The following DOCK3 variants were observed in gnomAD, a reference collection of about 807,000 sequenced individuals.
DOCK3 encodes the protein dedicator of cytokinesis 3.
A neutral mutation model predicts 265.6 loss-of-function variants in DOCK3; 60 were observed. That is an observed-to-expected ratio of 0.23 (90% CI 0.18 to 0.28). The LOEUF (loss-of-function observed/expected upper bound fraction) is 0.28, where lower values mean the gene tolerates loss of function less well. Among genes scored for constraint, DOCK3 ranks in the 10% least tolerant of loss-of-function variants. The probability of loss-of-function intolerance (pLI) is 1.00; values close to 1 mark genes in which losing one functional copy is unlikely to be tolerated. For synonymous variants in DOCK3, 881 were observed against 938.0 expected (o/e 0.94, Z 1.11); for missense variants, 1,981 against 2,594.3 (o/e 0.76, Z 5.14).
chr3:51,150,437 A>G (rs2085523432), intron 10 of DOCK3, among the ~76,000 whole-genome samples: 1 of 152,050 alleles, frequency 6.6e-6, no homozygotes, highest in Non-Finnish European at 1.5e-5. Context: ...TTAGGGTGTC[A>G]ATTTTAGATC....
At chr3:51,353,758 G>C (rs1184183936) in intron 40 of DOCK3, among the ~76,000 whole-genome samples, 1 of 152,230 alleles carries the variant, frequency 6.6e-6, no homozygotes, top group Non-Finnish European at 1.5e-5. Context: ...CCCTGTCCCA[G>C]GAAGCATATG....
chr3:51,096,961 A>G (rs1473287301), intron 9 of DOCK3, among the ~76,000 whole-genome samples: 1 of 151,820 alleles, frequency 6.6e-6, no homozygotes, highest in Non-Finnish European at 1.5e-5. Flanking sequence ...CAGAACAGCA[A>G]TGTTCCTTCC....
intron 10 of DOCK3, among the ~76,000 whole-genome samples, chr3:51,152,160 A>G (rs1376254704): frequency 1.3e-5 from 2 of 152,092 alleles, no homozygotes; most frequent in African/African-American, 4.8e-5. Flanking sequence ...GTCTTTTCAC[A>G]TAGTCCCATA....
At chr3:51,308,205 A>G (rs1400324357) in intron 27 of DOCK3, among the ~76,000 whole-genome samples, 1 of 150,082 alleles carries the variant, frequency 6.7e-6, no homozygotes, top group Non-Finnish European at 1.5e-5. Context: ...ACTCATTGTT[A>G]TTATTCATCC....
intron 1 of DOCK3, among the ~76,000 whole-genome samples, chr3:50,711,264 CT>C (rs34839295): frequency 0.13 from 18,793 of 139,678 alleles, 1,382 homozygotes; most frequent in Non-Finnish European, 0.18. Context: ...TTGCTTAGTC[CT>C]TTTTTTTTTT....
chr3:51,072,757 G>T (rs2081924254), intron 6 of DOCK3, among the ~76,000 whole-genome samples: 1 of 152,148 alleles, frequency 6.6e-6, no homozygotes, highest in South Asian at 2.1e-4. Flanking sequence ...TGAAGCCCGA[G>T]TGAAGTGACA....
chr3:50,690,209 C>A (rs1189416840), intron 1 of DOCK3, among the ~76,000 whole-genome samples: 1 of 150,936 alleles, frequency 6.6e-6, no homozygotes, highest in African/African-American at 2.4e-5. Flanking sequence ...TTATAGTTCA[C>A]TGTAGTCTCA....
Position 51,381,490 on chromosome 3 carries a change from A to G in DOCK3, c.6024A>G (p.Pro2008=), listed in dbSNP as rs369440132. The change falls in exon 53 of 53, where the codon CCA becomes CCG. Residue 2008 remains proline (P), a synonymous_variant. Coordinates refer to ENST00000266037, the MANE Select transcript of DOCK3 (RefSeq NM_004947.5). The surrounding 1 kb of genome is among the most constrained non-coding windows in gnomAD (Gnocchi z 5.6). ...ERPRGLHRKA[P]LPPGSAKEEQ... is the part of the protein sequence containing the mutation. ...CTCGAGGCCTGCACCGCAAGGCTCC[A>G]TTGCCTCCTGGGAGCGCTAAGGAGG... 142 of 1,586,682 alleles carry G rather than the reference A, an allele frequency of 8.9e-5. No homozygotes were observed. Among genetic ancestry groups the G allele is most frequent in the Non-Finnish European group, 1.2e-4 (137 of 1,167,522 alleles).
intron 27 of DOCK3, among the ~76,000 whole-genome samples, chr3:51,291,898 C>T (rs764456608): frequency 6.6e-6 from 1 of 152,108 alleles, no homozygotes; most frequent in Non-Finnish European, 1.5e-5. Context: ...GATTATTCAC[C>T]ATGATCAAGT....
intron 32 of DOCK3, among the ~76,000 whole-genome samples, chr3:51,316,986 C>T (rs1194931799): frequency 6.6e-6 from 1 of 151,976 alleles, no homozygotes; most frequent in Non-Finnish European, 1.5e-5. Flanking sequence ...CAATGTTTTT[C>T]TTTTATAGAT....
chr3:51,153,116 A>G (rs1415071637), intron 10 of DOCK3, among the ~76,000 whole-genome samples: 1 of 152,218 alleles, frequency 6.6e-6, no homozygotes, highest in Non-Finnish European at 1.5e-5. Flanking sequence ...GGTGGGGTCT[A>G]CAGAGGCAGC....
intron 22 of DOCK3, among the ~76,000 whole-genome samples, chr3:51,249,795 C>G (rs1352182746): frequency 1.4e-5 from 2 of 144,414 alleles, no homozygotes; most frequent in East Asian, 4.1e-4. Flanking sequence ...TCATTGAGAA[C>G]GGGCCAGGAT....
chr3:50,824,769 A>T (rs1018631955), intron 2 of DOCK3, among the ~76,000 whole-genome samples: 1 of 152,158 alleles, frequency 6.6e-6, no homozygotes, highest in African/African-American at 2.4e-5. Flanking sequence ...TGTAAATTTT[A>T]GGTAGATGAA....
chr3:50,928,407 T>C (rs1266147850), intron 4 of DOCK3, among the ~76,000 whole-genome samples: 1 of 152,180 alleles, frequency 6.6e-6, no homozygotes, highest in Non-Finnish European at 1.5e-5. Context: ...ACATTTGTCT[T>C]TTTGTATCTG....
chr3:50,987,238 T>C (rs528537036), intron 5 of DOCK3, among the ~76,000 whole-genome samples: 141 of 152,310 alleles, frequency 9.3e-4, no homozygotes, highest in Non-Finnish European at 1.2e-3. Flanking sequence ...TTCTTTTTTA[T>C]ATTGATTTAA....
intron 2 of DOCK3, among the ~76,000 whole-genome samples, chr3:50,803,880 G>A (rs2043224068): frequency 2.6e-5 from 4 of 151,182 alleles, no homozygotes; most frequent in Non-Finnish European, 5.9e-5. Flanking sequence ...TGGCCGGGCG[G>A]GGGCTGTCCC....
intron 3 of DOCK3, among the ~76,000 whole-genome samples, chr3:50,869,724 CTAGTCCT>C (rs1357808420): frequency 6.6e-6 from 1 of 151,492 alleles, no homozygotes; most frequent in African/African-American, 2.4e-5. Flanking sequence ...GCTCGCTTTG[CTAGTCCT>C]TTAAGATGGA....
At position 50,778,773 on chromosome 3, in the gene DOCK3, A is replaced by C. The variant is rs745374676; in HGVS notation, c.121+15A>C. On this transcript the variant is annotated intron_variant, in intron 2 of 52. Transcript: ENST00000266037. ...AAAATGTGAAGGTGAGTATGGACCT[A>C]CAAAGCACATAAATTGTGATCATTT... The C allele has an allele frequency of 6.5e-7, 1 of 1,533,412 alleles. No individual in the cohort carries two copies. Among genetic ancestry groups the C allele is most frequent in the Non-Finnish European group, 8.9e-7 (1 of 1,126,550 alleles). The allele number at this position is 1,533,412 out of a possible 1,614,324, so 95.0% of individuals were successfully genotyped here. A position where few individuals can be genotyped will look rare whatever the true frequency, so the allele number is the denominator to read the frequency against.
intron 2 of DOCK3, among the ~76,000 whole-genome samples, chr3:50,794,817 A>G (rs1258725421): frequency 3.3e-5 from 5 of 152,128 alleles, no homozygotes; most frequent in African/African-American, 2.4e-5. Context: ...TGGTTGCTTT[A>G]TAGTGTTACT....
Sources: allele counts gnomAD v4.1 joint callset (sites outside exome capture counted in the v4.1 genomes callset), GRCh38; gene constraint gnomAD v4.1.1; non-coding constraint Gnocchi (gnomAD v3.1); transcripts MANE v1.5; gene names NCBI Gene and HGNC (gene_info 2026-07-23, HGNC 2026-07-21).